SIAH2: variants seen among roughly 807,000 people sequenced by gnomAD.
SIAH2 encodes siah E3 ubiquitin protein ligase 2.
A neutral mutation model predicts 20.4 loss-of-function variants in SIAH2; 4 were observed. The observed-to-expected ratio is 0.20, with a 90% CI of 0.10 to 0.45. The LOEUF (loss-of-function observed/expected upper bound fraction) is 0.45. SIAH2 is among the 20% of genes least tolerant of loss of function. The pLI is 0.99. For missense variants in SIAH2, 259 were observed against 440.3 expected (o/e 0.59, Z 3.69); for synonymous variants, 171 against 192.5 (o/e 0.89, Z 0.93).
Position 150,761,362 on chromosome 3 carries a change from T to C in SIAH2, c.417+1071A>G, listed in dbSNP as rs75445178. ...CACGTAATAGCTGCAGGTAAACAAATGTTATAATATGACCACACAATGCAA... is the reference window on the plus strand; with the variant it reads ...CACGTAATAGCTGCAGGTAAACAAACGTTATAATATGACCACACAATGCAA... On this transcript the variant is annotated intron_variant, in intron 1 of 1. Coordinates refer to ENST00000312960, the MANE Select transcript of SIAH2 (RefSeq NM_005067.7). Among the ~76,000 whole-genome samples, 142 of 152,344 alleles carry C rather than the reference T, an allele frequency of 9.3e-4. 5 individuals carry two copies. In the East Asian group the frequency reaches 0.026, roughly 27 times the overall value.
chr3:150,747,853 A>G (rs1714258673), intron 1 of SIAH2, among the ~76,000 whole-genome samples: 1 of 150,884 alleles, frequency 6.6e-6, no homozygotes, highest in East Asian at 2.0e-4. Flanking sequence ...AATCCCAGCT[A>G]CCCGGGAGGC....
rs576872001 is a variant in SIAH2 at position 150,757,684 on chromosome 3, TA to T, written c.417+4748del. Among the ~76,000 whole-genome samples, 97 of 148,064 alleles carry T rather than the reference TA, an allele frequency of 6.6e-4. 2 individuals carry two copies. The highest frequency in any genetic ancestry group is 9.0e-4 in the Non-Finnish European group (60 of 66,818). ...AGAAAAAAAATCGAGATATTTAACATAAAAAAAAAATCCAGGCTGGGCACGG... is the reference window on the plus strand; with the variant it reads ...AGAAAAAAAATCGAGATATTTAACATAAAAAAAAATCCAGGCTGGGCACGG... On this transcript the variant is annotated intron_variant, in intron 1 of 1. Coordinates refer to ENST00000312960, the MANE Select transcript of SIAH2 (RefSeq NM_005067.7).
rs1030914330 is a variant in SIAH2, at chr3:150,762,356, G to A, written c.417+77C>T. On this transcript the variant is annotated intron_variant, in intron 1 of 1. Transcript: ENST00000312960. The surrounding 1 kb of genome is among the most constrained non-coding windows in gnomAD (Gnocchi z 6.6). ...AATGAGAGATGCCGCCCGCCTCTCC[G>A]GGCCTGCGAGTGGGCTGGCGGATAC... 8 of 1,514,920 alleles carry A rather than the reference G, an allele frequency of 5.3e-6. No homozygotes were observed. In the African/African-American group the frequency reaches 9.9e-5, roughly 19 times the overall value. 93.8% of individuals were successfully genotyped at this position (1,514,920 alleles called of 1,614,324 possible). A position where few individuals can be genotyped will look rare whatever the true frequency, so the allele number is the denominator to read the frequency against.
At chr3:150,747,964 C>CAAAAAAA (rs58478348) in intron 1 of SIAH2, among the ~76,000 whole-genome samples, 1 of 56,706 alleles carries the variant, frequency 1.8e-5, no homozygotes, top group African/African-American at 6.0e-5. Context: ...AACGCCATCT[C>CAAAAAAA]AAAAAAAAAA....
intron 1 of SIAH2, among the ~76,000 whole-genome samples, chr3:150,750,649 G>A (rs980266205): frequency 2.6e-5 from 4 of 152,042 alleles, no homozygotes; most frequent in South Asian, 2.1e-4. Flanking sequence ...AATTCCCGGC[G>A]TCAAGCAATC....
rs1352125557 is a variant in SIAH2 at position 150,762,084 on chromosome 3, G to C, written c.417+349C>G. 1 of 292,428 alleles carries C rather than the reference G, an allele frequency of 3.4e-6. No homozygotes were observed. Among genetic ancestry groups the C allele is most frequent in the African/African-American group, 2.3e-5 (1 of 43,954 alleles). 18.1% of individuals were successfully genotyped at this position (292,428 alleles called of 1,614,324 possible). On this transcript the variant is annotated intron_variant, in intron 1 of 1. Coordinates refer to ENST00000312960, the MANE Select transcript of SIAH2 (RefSeq NM_005067.7). The surrounding 1 kb of genome is among the most constrained non-coding windows in gnomAD (Gnocchi z 6.6). ...TTCCTCCCTCCTCAATCCCCACACA[G>C]TCAGTTTCTCGGTCCAAGTTTTACT...
chr3:150,742,789 T>C lies in SIAH2; in HGVS notation c.418-91A>G. On this transcript the variant is annotated intron_variant, in intron 1 of 1. Coordinates refer to ENST00000312960, the MANE Select transcript of SIAH2 (RefSeq NM_005067.7). The surrounding 1 kb of genome is among the most constrained non-coding windows in gnomAD (Gnocchi z 4.8). Reference sequence around the variant, plus strand: ...TGAGTACTTAACTACTCCATTTTCCTGGGCTTAAACTGTGTTCTTAACTAC... The same window carrying C: ...TGAGTACTTAACTACTCCATTTTCCCGGGCTTAAACTGTGTTCTTAACTAC... 1 of 1,121,830 alleles carries C rather than the reference T, an allele frequency of 8.9e-7. No homozygotes were observed. The highest frequency in any genetic ancestry group is 1.2e-6 in the Non-Finnish European group (1 of 808,328). 69.5% of individuals were successfully genotyped at this position (1,121,830 alleles called of 1,614,324 possible).
chr3:150,742,023 A>C lies in SIAH2; in HGVS notation c.*118T>G. The stretch of plus-strand genomic sequence containing the variant: ...AGATGGGACACTGCTGTTCAAACAA[A>C]ACACGGGTAATTGTGGGTCCTGACT... On this transcript the variant is annotated 3_prime_UTR_variant, in exon 2 of 2. Coordinates refer to ENST00000312960, the MANE Select transcript of SIAH2 (RefSeq NM_005067.7). This position sits in a 1 kb window ranked among gnomAD's most constrained non-coding sequence, Gnocchi z 4.8. 1 of 1,021,978 alleles carries C rather than the reference A, an allele frequency of 9.8e-7. No homozygotes were observed. Among genetic ancestry groups the C allele is most frequent in the Non-Finnish European group, 1.4e-6 (1 of 704,012 alleles). 63.3% of individuals were successfully genotyped at this position (1,021,978 alleles called of 1,614,324 possible).
intron 1 of SIAH2, among the ~76,000 whole-genome samples, chr3:150,752,869 A>AAAAAG (rs1344473441): frequency 6.6e-6 from 1 of 152,216 alleles, no homozygotes; most frequent in Non-Finnish European, 1.5e-5. Flanking sequence ...GTGGGCACAG[A>AAAAAG]AAAAGCAAGA....
chr3:150,761,283 C>G (rs1915365), intron 1 of SIAH2, among the ~76,000 whole-genome samples: 16,819 of 152,228 alleles, frequency 0.11, 1,862 homozygotes, highest in East Asian at 0.39. Context: ...TTACAGTATA[C>G]TTCTAGGTTA....
chr3:150,741,361 T>C lies in SIAH2; in HGVS notation c.*780A>G, dbSNP rs1254462269. On this transcript the variant is annotated 3_prime_UTR_variant, in exon 2 of 2. Transcript: ENST00000312960. The stretch of plus-strand genomic sequence containing the variant: ...ATTACATGAGAACTATCAATGGCCA[T>C]ATGACTTGCTTTCCTAGGCAATCCA... 1 of 152,610 alleles carries C rather than the reference T, an allele frequency of 6.6e-6. No individual in the cohort carries two copies. Among genetic ancestry groups the C allele is most frequent in the Non-Finnish European group, 1.5e-5 (1 of 68,046 alleles). 9.5% of individuals were successfully genotyped at this position (152,610 alleles called of 1,614,324 possible).
chr3:150,755,749 T>G (rs1251262462), intron 1 of SIAH2, among the ~76,000 whole-genome samples: 1 of 152,062 alleles, frequency 6.6e-6, no homozygotes, highest in East Asian at 1.9e-4. Flanking sequence ...ACTCCCAATC[T>G]CAGGTGATCT....
At chr3:150,744,308 T>C (rs1372993620) in intron 1 of SIAH2, among the ~76,000 whole-genome samples, 1 of 152,180 alleles carries the variant, frequency 6.6e-6, no homozygotes, top group East Asian at 1.9e-4. Flanking sequence ...CAACCCCCAC[T>C]TCCCCATACC....
At chr3:150,752,223 A>G (rs1269700859) in intron 1 of SIAH2, among the ~76,000 whole-genome samples, 1 of 152,204 alleles carries the variant, frequency 6.6e-6, no homozygotes, top group Non-Finnish European at 1.5e-5. Flanking sequence ...CTGCCCTGAC[A>G]GTTCTTCAAA....
intron 1 of SIAH2, among the ~76,000 whole-genome samples, chr3:150,753,991 T>C (rs1714427992): frequency 6.6e-6 from 1 of 152,160 alleles, no homozygotes; most frequent in South Asian, 2.1e-4. Context: ...ATTAAATAAC[T>C]CTGGTACTGT....
Position 150,762,039 on chromosome 3 carries a change from G to T in SIAH2, c.417+394C>A. 1 of 230,812 alleles carries T rather than the reference G, an allele frequency of 4.3e-6. No individual in the cohort carries two copies. Among genetic ancestry groups the T allele is most frequent in the Middle Eastern group, 1.5e-3 (1 of 668 alleles). 14.3% of individuals were successfully genotyped at this position (230,812 alleles called of 1,614,324 possible). On this transcript the variant is annotated intron_variant, in intron 1 of 1. Transcript: ENST00000312960. The surrounding 1 kb of genome is among the most constrained non-coding windows in gnomAD (Gnocchi z 6.6). ...TCAGCCGAGCCCAGCGCTGGTAAAG[G>T]GGGCGTTTAGCTCGCCCGTTTCCTC...
intron 1 of SIAH2, among the ~76,000 whole-genome samples, chr3:150,756,657 T>C (rs1358622705): frequency 2.6e-5 from 4 of 152,222 alleles, no homozygotes; most frequent in Non-Finnish European, 5.9e-5. Context: ...CATGGTGACC[T>C]GTGAAAAATC....
intron 1 of SIAH2, among the ~76,000 whole-genome samples, chr3:150,753,349 C>T (rs905949079): frequency 2.6e-5 from 4 of 152,202 alleles, no homozygotes; most frequent in African/African-American, 7.2e-5. Context: ...CAGCGGCCAA[C>T]TCTGGCCTGA....
At chr3:150,746,566 T>A (rs1293730492) in intron 1 of SIAH2, among the ~76,000 whole-genome samples, 1 of 152,154 alleles carries the variant, frequency 6.6e-6, no homozygotes, top group Non-Finnish European at 1.5e-5. Context: ...TTTAGCAGCA[T>A]CCGTGGTCTC....
Sources: allele counts gnomAD v4.1 joint callset (sites outside exome capture counted in the v4.1 genomes callset), GRCh38; gene constraint gnomAD v4.1.1; non-coding constraint Gnocchi (gnomAD v3.1); transcripts MANE v1.5; gene names NCBI Gene and HGNC (gene_info 2026-07-23, HGNC 2026-07-21).